DDAH1: variants seen among roughly 807,000 people sequenced by gnomAD.
DDAH1 encodes N(G),N(G)-dimethylarginine dimethylaminohydrolase 1.
Under a neutral mutation model 28.8 loss-of-function variants are expected in DDAH1, and 19 were observed. The observed-to-expected ratio is 0.66, with a 90% CI of 0.46 to 0.97. DDAH1 has a LOEUF of 0.97. Among genes scored for constraint, DDAH1 ranks in the 50% least tolerant of loss-of-function variants. The probability of loss-of-function intolerance (pLI) is 0.00; values close to 1 mark genes in which losing one functional copy is unlikely to be tolerated. For missense variants in DDAH1, 326 were observed against 375.9 expected, an observed-to-expected ratio of 0.87 and a Z score of 1.10; for synonymous variants, 153 against 154.4, an observed-to-expected ratio of 0.99 and a Z score of 0.07.
chr1:85,386,256 C>G (rs1360280334), intron 1 of DDAH1, among the ~76,000 whole-genome samples: 1 of 152,182 alleles, frequency 6.6e-6, no homozygotes, highest in African/African-American at 2.4e-5. Flanking sequence ...AAAGTCTCAT[C>G]TGATACTCAA....
intron 1 of DDAH1, among the ~76,000 whole-genome samples, chr1:85,552,970 A>G (rs1658843478): frequency 6.6e-6 from 1 of 152,098 alleles, no homozygotes; most frequent in Non-Finnish European, 1.5e-5. Flanking sequence ...TTTTGAGGCT[A>G]GATGAGAAAA....
chr1:85,403,930 T>G (rs1256141285), intron 1 of DDAH1, among the ~76,000 whole-genome samples: 1 of 152,232 alleles, frequency 6.6e-6, no homozygotes, highest in Non-Finnish European at 1.5e-5. Context: ...TGGATACATG[T>G]TGTACTCTTG....
chr1:85,353,474 G>A (rs1479853398), intron 2 of DDAH1, among the ~76,000 whole-genome samples: 1 of 152,052 alleles, frequency 6.6e-6, no homozygotes, highest in African/African-American at 2.4e-5. Flanking sequence ...AATATCCAAG[G>A]GCTTATGTTG....
At chr1:85,551,802 A>G (rs1524001) in intron 1 of DDAH1, among the ~76,000 whole-genome samples, 133,686 of 152,244 alleles carry the variant, frequency 0.88, 58,824 homozygotes, top group South Asian at 0.96. Flanking sequence ...CTGATGGCTA[A>G]GAAGGTAGAG....
At chr1:85,415,155 CA>C (rs1043075498) in intron 1 of DDAH1, among the ~76,000 whole-genome samples, 24 of 151,930 alleles carry the variant, frequency 1.6e-4, no homozygotes, top group African/African-American at 5.3e-4. Context: ...GCTGGGATTA[CA>C]GGTGCCTGAC....
In DDAH1 at chr1:85,426,725, T is replaced by C. The variant is rs115707743; in HGVS notation, c.303+38018A>G. Reference sequence around the variant, plus strand: ...CAGTTCGAGACCAGCCTGGGCAACATAGTGAGACCCCCATCTCTACAGAAA... The same window carrying C: ...CAGTTCGAGACCAGCCTGGGCAACACAGTGAGACCCCCATCTCTACAGAAA... On this transcript the variant is annotated intron_variant, in intron 1 of 5. Coordinates refer to ENST00000284031, the MANE Select transcript of DDAH1 (RefSeq NM_012137.4). 6.7e-3 allele frequency among the ~76,000 whole-genome samples: 1,011 copies of C among 151,022 alleles called. 5 individuals are homozygous for C. Among genetic ancestry groups the C allele is most frequent in the Middle Eastern group, 0.014 (4 of 288 alleles).
chr1:85,532,729 T>C (rs61614465), intron 1 of DDAH1, among the ~76,000 whole-genome samples: 1,558 of 152,258 alleles, frequency 0.01, 24 homozygotes, highest in African/African-American at 0.036. Flanking sequence ...CTTTAGATGC[T>C]AACTCTGGGG....
At chr1:85,509,238 C>A (rs1657139062) in intron 1 of DDAH1, among the ~76,000 whole-genome samples, 1 of 152,218 alleles carries the variant, frequency 6.6e-6, no homozygotes, top group Non-Finnish European at 1.5e-5. Flanking sequence ...TCCAACAGAC[C>A]TGCAGCTGAG....
At chr1:85,474,891 G>C (rs961639407) in intron 2 of DDAH1, among the ~76,000 whole-genome samples, 1 of 152,100 alleles carries the variant, frequency 6.6e-6, no homozygotes, top group Non-Finnish European at 1.5e-5. Context: ...GAGAGTGGAG[G>C]GTTCATGGTC....
At chr1:85,553,156 G>A (rs557335718) in intron 1 of DDAH1, among the ~76,000 whole-genome samples, 4 of 152,218 alleles carry the variant, frequency 2.6e-5, no homozygotes, top group South Asian at 4.2e-4. Context: ...TACCAGATGT[G>A]TGAGTAAAGT....
rs1251838417 is a variant in DDAH1, at chr1:85,321,485, G to A, written c.825C>T (p.Cys275=). ...CTACTTTCTTGTTAATTAAAACTGA[G>A]CAGCAGGTGAGCAGCCCATCCACCT... ...LEKVDGLLTC[C]SVLINKKVDS is the part of the protein sequence containing the mutation. The change falls in exon 6 of 6, where the codon TGC becomes TGT. Residue 275 remains cysteine (C), a synonymous_variant. Transcript: ENST00000284031. 1.2e-6 allele frequency: 2 copies of A among 1,614,138 alleles called. No individual in the cohort carries two copies. The highest frequency in any genetic ancestry group is 1.7e-6 in the Non-Finnish European group (2 of 1,179,968).
chr1:85,454,921 T>C (rs1654819230), intron 1 of DDAH1, among the ~76,000 whole-genome samples: 1 of 152,118 alleles, frequency 6.6e-6, no homozygotes, highest in South Asian at 2.1e-4. Flanking sequence ...AGTTTGAGAG[T>C]AACAAAAGAC....
chr1:85,436,473 CGAATGTGTTAGAAGAG>C (rs1653949549), intron 1 of DDAH1, among the ~76,000 whole-genome samples: 2 of 152,202 alleles, frequency 1.3e-5, no homozygotes, highest in African/African-American at 4.8e-5. Flanking sequence ...ATCATTAATA[CGAATGTGTTAGAAGAG>C]ATGAGAAAGC....
chr1:85,346,882 T>C (rs574737446), intron 4 of DDAH1, among the ~76,000 whole-genome samples: 1 of 152,234 alleles, frequency 6.6e-6, no homozygotes, highest in East Asian at 1.9e-4. Flanking sequence ...AAAGGGTTAA[T>C]ATCCAGAATC....
chr1:85,371,148 G>T (rs1283554765), intron 1 of DDAH1, among the ~76,000 whole-genome samples: 1 of 152,174 alleles, frequency 6.6e-6, no homozygotes, highest in Non-Finnish European at 1.5e-5. Context: ...CCTTTGGCAG[G>T]AAGAGCTACT....
At chr1:85,498,978 G>A (rs924778832) in intron 1 of DDAH1, among the ~76,000 whole-genome samples, 3 of 151,706 alleles carry the variant, frequency 2.0e-5, no homozygotes, top group South Asian at 2.1e-4. Context: ...GGAAGAAAAG[G>A]AGAAACAAAG....
intron 4 of DDAH1, among the ~76,000 whole-genome samples, chr1:85,340,959 C>A (rs1648438341): frequency 6.6e-6 from 1 of 152,214 alleles, no homozygotes; most frequent in Non-Finnish European, 1.5e-5. Flanking sequence ...TAATAACCAC[C>A]ACTCTTCTGT....
chr1:85,401,473 C>T (rs1652099743), intron 1 of DDAH1, among the ~76,000 whole-genome samples: 1 of 149,750 alleles, frequency 6.7e-6, no homozygotes, highest in Non-Finnish European at 1.5e-5. Flanking sequence ...TTTTAAGAGA[C>T]GCAGCTTTTC....
At chr1:85,567,512 A>T (rs1659338627) in intron 1 of DDAH1, among the ~76,000 whole-genome samples, 1 of 152,180 alleles carries the variant, frequency 6.6e-6, no homozygotes, top group Admixed American at 6.5e-5. Flanking sequence ...TTCCACTGTG[A>T]TTGTGAGGCC....
Sources: allele counts gnomAD v4.1 joint callset (sites outside exome capture counted in the v4.1 genomes callset), GRCh38; gene constraint gnomAD v4.1.1; transcripts MANE v1.5; gene names NCBI Gene and HGNC (gene_info 2026-07-23, HGNC 2026-07-21).